Variants in LRP12 observed in about 807,000 individuals in gnomAD.
LRP12 encodes low-density lipoprotein receptor-related protein 12.
Under a neutral mutation model 66.0 loss-of-function variants are expected in LRP12, and 14 were observed. That is an observed-to-expected ratio of 0.21 (90% CI 0.14 to 0.33). LRP12 has a LOEUF of 0.33. Ranked by LOEUF, LRP12 falls within the 10% of genes least tolerant of loss-of-function variation. LRP12 has a pLI of 1.00. For synonymous variants in LRP12, 357 were observed against 359.1 expected (o/e 0.99, Z 0.07); for missense variants, 889 against 1,053.4 (o/e 0.84, Z 2.16).
intron 1 of LRP12, among the ~76,000 whole-genome samples, chr8:104,564,631 A>G (rs1205583760): frequency 1.3e-5 from 2 of 149,066 alleles, no homozygotes; most frequent in Non-Finnish European, 3.0e-5. Context: ...TATCATTATG[A>G]AAAAAAAAAG....
chr8:104,491,555 A>G lies in LRP12; in HGVS notation c.1714-16T>C. On this transcript the variant is annotated splice_polypyrimidine_tract_variant and intron_variant, in intron 6 of 6. Transcript: ENST00000276654. The stretch of plus-strand genomic sequence containing the variant: ...AAACAGAAGCCTACAAAAATAAGAA[A>G]AGATCTTAAGATAGTTAACAACAAG... 2 of 1,561,500 alleles carry G rather than the reference A, an allele frequency of 1.3e-6. No individual in the cohort carries two copies. The highest frequency in any genetic ancestry group is 8.6e-7 in the Non-Finnish European group (1 of 1,160,234).
chr8:104,545,762 G>A (rs913658180), intron 1 of LRP12, among the ~76,000 whole-genome samples: 4 of 152,096 alleles, frequency 2.6e-5, no homozygotes, highest in African/African-American at 9.7e-5. Context: ...AAAAATACAC[G>A]TGACTCACTT....
chr8:104,548,317 AT>A (rs371783977), intron 1 of LRP12, among the ~76,000 whole-genome samples: 83 of 33,182 alleles, frequency 2.5e-3, no homozygotes, highest in South Asian at 6.3e-3. Flanking sequence ...TATTATATAA[AT>A]ATATAATATA....
At chr8:104,541,020 C>A (rs949464914) in intron 1 of LRP12, among the ~76,000 whole-genome samples, 1 of 152,210 alleles carries the variant, frequency 6.6e-6, no homozygotes, top group East Asian at 1.9e-4. Context: ...GCGTGAGCCA[C>A]CGCGCCCGGC....
At chr8:104,571,569 G>T (rs910360036) in intron 1 of LRP12, among the ~76,000 whole-genome samples, 5 of 152,100 alleles carry the variant, frequency 3.3e-5, no homozygotes, top group Non-Finnish European at 5.9e-5. Flanking sequence ...TGTGAAGAAG[G>T]TGCCTTACTT....
chr8:104,527,878 C>G (rs1811265217), intron 2 of LRP12, among the ~76,000 whole-genome samples: 1 of 152,032 alleles, frequency 6.6e-6, no homozygotes, highest in Admixed American at 6.6e-5. Flanking sequence ...ACAGTTTGCA[C>G]ATTTACTTCT....
At chr8:104,552,940 C>T (rs911835542) in intron 1 of LRP12, among the ~76,000 whole-genome samples, 2 of 152,144 alleles carry the variant, frequency 1.3e-5, no homozygotes, top group Non-Finnish European at 2.9e-5. Flanking sequence ...GAGGGGGGAA[C>T]GTTTGCCCCT....
At chr8:104,516,093 G>A (rs916145272) in intron 2 of LRP12, among the ~76,000 whole-genome samples, 5 of 151,910 alleles carry the variant, frequency 3.3e-5, no homozygotes, top group South Asian at 2.1e-4. Context: ...TCTAATTTAC[G>A]TTGGTGAGTT....
chr8:104,549,322 C>G (rs1256590520), intron 1 of LRP12, among the ~76,000 whole-genome samples: 1 of 151,760 alleles, frequency 6.6e-6, no homozygotes, highest in Non-Finnish European at 1.5e-5. Context: ...CCTAGCACAT[C>G]TGAAGCTCAT....
chr8:104,523,418 T>C (rs1588491332), intron 2 of LRP12, among the ~76,000 whole-genome samples: 2 of 152,148 alleles, frequency 1.3e-5, no homozygotes, highest in East Asian at 3.8e-4. Flanking sequence ...AAGAGAAGTA[T>C]AAAGATGAAT....
chr8:104,492,854 A>G (rs954171758), intron 6 of LRP12, among the ~76,000 whole-genome samples: 1 of 152,118 alleles, frequency 6.6e-6, no homozygotes, highest in Non-Finnish European at 1.5e-5. Flanking sequence ...AAATTAAAAA[A>G]AAAAAGAAAA....
Position 104,498,030 on chromosome 8 carries a change from A to T in LRP12, c.522T>A (p.Gly174=). The change falls in exon 5 of 7, where the codon GGT becomes GGA. Residue 174 remains glycine, a synonymous_variant. Coordinates refer to ENST00000276654, the MANE Select transcript of LRP12 (RefSeq NM_013437.5). ...PNCACDQFRC[G]NGKCIPEAWK... is the part of the protein sequence containing the mutation. ...AGGCTTCTGGTATACACTTTCCATT[A>T]CCACAACGAAACTGATCACAAGCAC... 3 of 1,612,016 alleles carry T rather than the reference A, an allele frequency of 1.9e-6. No homozygotes were observed. Among genetic ancestry groups the T allele is most frequent in the Non-Finnish European group, 1.7e-6 (2 of 1,178,878 alleles).
intron 1 of LRP12, among the ~76,000 whole-genome samples, chr8:104,577,299 C>T (rs558427393): frequency 9.2e-5 from 14 of 152,282 alleles, no homozygotes; most frequent in Admixed American, 3.3e-4. Flanking sequence ...CCAGATGGCA[C>T]GTACTCTAAA....
At chr8:104,564,268 A>T (rs747905095) in intron 1 of LRP12, among the ~76,000 whole-genome samples, 2 of 152,182 alleles carry the variant, frequency 1.3e-5, no homozygotes, top group African/African-American at 2.4e-5. Context: ...TATCAAATAA[A>T]TCACAAGGGA....
intron 1 of LRP12, among the ~76,000 whole-genome samples, chr8:104,581,291 G>A: frequency 6.6e-6 from 1 of 152,118 alleles, no homozygotes; most frequent in South Asian, 2.1e-4. Context: ...CTGTCAGAAG[G>A]TGGCGGGTGG....
At chr8:104,588,698 G>A in intron 1 of LRP12, 121 bp downstream of exon 1, 1 of 739,354 alleles carries the variant, frequency 1.4e-6, no homozygotes, top group African/African-American at 1.8e-5. Flanking sequence ...ACCGGTCTTT[G>A]TCCCGCCGGT....
At chr8:104,501,424 G>A (rs1810826111) in intron 3 of LRP12, among the ~76,000 whole-genome samples, 1 of 151,940 alleles carries the variant, frequency 6.6e-6, no homozygotes, top group South Asian at 2.1e-4. Context: ...TCTTGGCCGG[G>A]CATGGTGGCT....
intron 1 of LRP12, among the ~76,000 whole-genome samples, chr8:104,567,418 T>C (rs1358517695): frequency 6.6e-6 from 1 of 152,138 alleles, no homozygotes; most frequent in Non-Finnish European, 1.5e-5. Context: ...CGGGAAAGAC[T>C]GGCCCCCCAT....
chr8:104,547,813 C>A (rs1488703823), intron 1 of LRP12, among the ~76,000 whole-genome samples: 43 of 121,290 alleles, frequency 3.5e-4, no homozygotes, highest in Non-Finnish European at 5.9e-4. Flanking sequence ...ATATATAATT[C>A]TATATACTTT....
Sources: gnomAD v4.1 joint callset for allele counts (sites outside exome capture counted in the v4.1 genomes callset) on GRCh38, gnomAD v4.1.1 for gene constraint, MANE v1.5 for transcripts, NCBI Gene and HGNC (gene_info 2026-07-23, HGNC 2026-07-21) for gene names.